TPCN1: variants seen among roughly 807,000 people sequenced by gnomAD.
The protein encoded by TPCN1 is two pore segment channel 1, also known as two pore channel protein 1.
TPCN1 carries 52 observed loss-of-function variants against 108.8 expected under a neutral mutation model. The ratio of observed to expected loss-of-function variants is 0.48; its 90% CI spans 0.38 to 0.60. The LOEUF (loss-of-function observed/expected upper bound fraction) is 0.60. Among genes scored for constraint, TPCN1 ranks in the 20% least tolerant of loss-of-function variants. TPCN1 has a pLI of 0.00. For synonymous variants in TPCN1, 446 were observed against 433.7 expected, an observed-to-expected ratio of 1.03 and a Z score of -0.35; for missense variants, 806 against 1,072.8, an observed-to-expected ratio of 0.75 and a Z score of 3.47.
chr12:113,224,654 C>G (rs1286650396), intron 1 of TPCN1, among the ~76,000 whole-genome samples: 1 of 152,138 alleles, frequency 6.6e-6, no homozygotes, highest in Non-Finnish European at 1.5e-5. Context: ...CCTCGGCCTC[C>G]CAAAGTGCTG....
At position 113,245,639 on chromosome 12, in the gene TPCN1, GC is replaced by G. The variant is rs1415382113; in HGVS notation, c.113-14725del. Among the ~76,000 whole-genome samples the G allele has an allele frequency of 2.6e-5, 4 of 151,396 alleles. 1 individual carries two copies. Among genetic ancestry groups the G allele is most frequent in the Non-Finnish European group, 5.9e-5 (4 of 67,856 alleles). ...AAAAAAAAGAAAAGAAAAGGGGTAG[GC>G]CCCTCAGTATCACCCTTCCTGAGAA... is the stretch of plus-strand genomic sequence containing the variant. On this transcript the variant is annotated intron_variant, in intron 2 of 27. Coordinates refer to ENST00000335509, the MANE Select transcript of TPCN1 (RefSeq NM_017901.6).
At position 113,266,685 on chromosome 12, in the gene TPCN1, C is replaced by G. The variant is rs1030828295; in HGVS notation, c.414+329C>G. 2.0e-5 allele frequency among the ~76,000 whole-genome samples: 3 copies of G among 152,192 alleles called. No individual in the cohort carries two copies. Among genetic ancestry groups the G allele is most frequent in the Non-Finnish European group, 4.4e-5 (3 of 68,036 alleles). Reference sequence around the variant, plus strand: ...GACAGTCCCACTACTCTGTCTCCAGCCTCAAAGGAGAAGGCAGTTCGGTGT... The same window carrying G: ...GACAGTCCCACTACTCTGTCTCCAGGCTCAAAGGAGAAGGCAGTTCGGTGT... On this transcript the variant is annotated intron_variant, in intron 4 of 27. Coordinates refer to ENST00000335509, the MANE Select transcript of TPCN1 (RefSeq NM_017901.6). This position sits in a 1 kb window ranked among gnomAD's most constrained non-coding sequence, Gnocchi z 4.2.
rs1955329043 is a variant in TPCN1 at position 113,267,847 on chromosome 12, A to G, written c.419A>G (p.His140Arg). Residue 140 changes from histidine (H) to arginine (R), a missense_variant, in exon 5 of 28, where the codon CAC becomes CGC. Coordinates refer to ENST00000335509, the MANE Select transcript of TPCN1 (RefSeq NM_017901.6). ...VPALRLGIYV[H>R]ATLELFALMV... ...CTCCACACCCTCTGGTCTCAGGTCC[A>G]CGCCACCCTGGAGCTGTTTGCCCTG... The G allele has an allele frequency of 6.2e-7, 1 of 1,613,166 alleles. No homozygotes were observed. The highest frequency in any genetic ancestry group is 8.5e-7 in the Non-Finnish European group (1 of 1,179,180).
intron 10 of TPCN1, among the ~76,000 whole-genome samples, chr12:113,275,522 G>T (rs1433944298): frequency 6.6e-6 from 1 of 151,860 alleles, no homozygotes; most frequent in Non-Finnish European, 1.5e-5. Flanking sequence ...GGGATTACAG[G>T]TGTGAGCCAC....
chr12:113,263,306 C>G (rs963465180), intron 3 of TPCN1, among the ~76,000 whole-genome samples: 1 of 152,166 alleles, frequency 6.6e-6, no homozygotes. Context: ...CTCCGTTGCC[C>G]GGGCTGGAGT....
At chr12:113,291,060 C>T in intron 23 of TPCN1, 62 bp downstream of exon 23, 3 of 1,451,934 alleles carry the variant, frequency 2.1e-6, no homozygotes, top group Non-Finnish European at 2.9e-6. Flanking sequence ...CCCTGGGTCT[C>T]CCCCAACCCA....
chr12:113,268,665 C>T lies in TPCN1; in HGVS notation c.529-77C>T. ...CGAGGCCAGAGTGGGCACTGCCTCTCCAGCCCCCCGTTCCAGGTATGCAGG... is the reference window on the plus strand; with the variant it reads ...CGAGGCCAGAGTGGGCACTGCCTCTTCAGCCCCCCGTTCCAGGTATGCAGG... On this transcript the variant is annotated intron_variant, in intron 5 of 27. Transcript: ENST00000335509. The surrounding 1 kb of genome is among the most constrained non-coding windows in gnomAD (Gnocchi z 7.3). 1 of 1,572,924 alleles carries T rather than the reference C, an allele frequency of 6.4e-7. No homozygotes were observed. The highest frequency in any genetic ancestry group is 2.3e-5 in the East Asian group (1 of 43,994).
At chr12:113,222,518 C>G (rs1953281057) in intron 1 of TPCN1, among the ~76,000 whole-genome samples, 1 of 152,184 alleles carries the variant, frequency 6.6e-6, no homozygotes, top group African/African-American at 2.4e-5. Flanking sequence ...TTGTGACAGT[C>G]AAGATGTCTC....
intron 7 of TPCN1, among the ~76,000 whole-genome samples, chr12:113,270,209 A>AAAAG (rs1566178045): frequency 3.9e-5 from 6 of 152,140 alleles, no homozygotes; most frequent in African/African-American, 1.4e-4. Context: ...TCTCAAAAAA[A>AAAAG]AAAAGAAAAG....
chr12:113,258,391 C>G (rs4581495), intron 2 of TPCN1, among the ~76,000 whole-genome samples: 16,517 of 151,934 alleles, frequency 0.11, 1,052 homozygotes, highest in East Asian at 0.21. Flanking sequence ...ACTTGAACCT[C>G]GGAAGCAGAG....
rs1023791321 is a variant in TPCN1, at chr12:113,287,089, G to A, written c.1629G>A (p.Leu543=). 6.2e-7 allele frequency: 1 copy of A among 1,612,610 alleles called. No individual in the cohort carries two copies. The highest frequency in any genetic ancestry group is 1.3e-5 in the African/African-American group (1 of 74,910). Reference sequence around the variant, plus strand: ...TCGTGGTCCTGCGCCCCCTCCAGCTGCTGAGGTGATGGGCAGGGCAGAGCC... The same window carrying A: ...TCGTGGTCCTGCGCCCCCTCCAGCTACTGAGGTGATGGGCAGGGCAGAGCC... The part of the protein sequence containing the change: ...YFIVVLRPLQ[L]LRLFKLKERY... The change falls in exon 19 of 28, where the codon CTG becomes CTA. Residue 543 remains leucine, a synonymous_variant. Transcript: ENST00000335509.
chr12:113,270,485 GT>G (rs1277404327), intron 7 of TPCN1, among the ~76,000 whole-genome samples: 53 of 142,480 alleles, frequency 3.7e-4, no homozygotes, highest in South Asian at 6.8e-4. Flanking sequence ...GTTTTGTTTT[GT>G]TTTTTTTTTT....
In TPCN1 at chr12:113,297,027, T is replaced by G. The variant is rs1035626991; in HGVS notation, c.*951T>G. ...GAACAGCACAGAGAGACGCTCCCTGTGGGACGCAGCAGCCCCGTGGCCCCG... is the reference window on the plus strand; with the variant it reads ...GAACAGCACAGAGAGACGCTCCCTGGGGGACGCAGCAGCCCCGTGGCCCCG... On this transcript the variant is annotated 3_prime_UTR_variant, in exon 28 of 28. Transcript: ENST00000335509. The surrounding 1 kb of genome is among the most constrained non-coding windows in gnomAD (Gnocchi z 4.4). 3 of 152,392 alleles carry G rather than the reference T, an allele frequency of 2.0e-5. No individual in the cohort carries two copies. Among genetic ancestry groups the G allele is most frequent in the African/African-American group, 7.2e-5 (3 of 41,466 alleles). The allele number at this position is 152,392 out of a possible 1,614,324, so 9.4% of individuals were successfully genotyped here.
chr12:113,285,787 G>A, intron 17 of TPCN1, 102 bp from the exon 18 acceptor site: 1 of 1,022,034 alleles, frequency 9.8e-7, no homozygotes, highest in Non-Finnish European at 1.5e-6. Context: ...AGGGCTTATG[G>A]CCAGCAGGGA....
intron 19 of TPCN1, chr12:113,287,543 C>G (rs1956122723): frequency 6.0e-6 from 1 of 165,874 alleles, no homozygotes; most frequent in Admixed American, 6.2e-5. Context: ...GAGCCTGCCC[C>G]ACTGACGGTG....
Position 113,288,148 on chromosome 12 carries a change from G to A in TPCN1, c.1635-15G>A, listed in dbSNP as rs1566201063. 4.4e-6 allele frequency: 7 copies of A among 1,608,896 alleles called. No homozygotes were observed. The highest frequency in any genetic ancestry group is 1.1e-5 in the South Asian group (1 of 90,612). Reference sequence around the variant, plus strand: ...GCACCTGTGTGTGGAGGTGACGGGTGTCCTCCTCGCTCAGGTTGTTTAAGT... The same window carrying A: ...GCACCTGTGTGTGGAGGTGACGGGTATCCTCCTCGCTCAGGTTGTTTAAGT... On this transcript the variant is annotated splice_polypyrimidine_tract_variant and intron_variant, in intron 19 of 27. Transcript: ENST00000335509. The surrounding 1 kb of genome is among the most constrained non-coding windows in gnomAD (Gnocchi z 4.8).
In TPCN1 at chr12:113,227,795, G is replaced by A. The variant is rs185094771; in HGVS notation, c.112+831G>A. ...GAGATGTTTGGGGCCAAGGAGAGAC[G>A]AGCCAGGCTCTCCCGTCTCATTTGT... On this transcript the variant is annotated intron_variant, in intron 2 of 27. Transcript: ENST00000335509. Among the ~76,000 whole-genome samples the A allele has an allele frequency of 5.5e-3, 841 of 152,270 alleles. 7 individuals are homozygous for A. Among genetic ancestry groups the A allele is most frequent in the African/African-American group, 0.019 (775 of 41,554 alleles).
intron 2 of TPCN1, among the ~76,000 whole-genome samples, chr12:113,251,403 G>T (rs1391682244): frequency 6.6e-6 from 1 of 152,228 alleles, no homozygotes; most frequent in Admixed American, 6.5e-5. Flanking sequence ...CTCTGTGCCG[G>T]TCCCTCATTT....
chr12:113,275,884 C>A (rs1955658666), intron 10 of TPCN1, among the ~76,000 whole-genome samples: 1 of 152,144 alleles, frequency 6.6e-6, no homozygotes, highest in South Asian at 2.1e-4. Flanking sequence ...AAAATATTTT[C>A]TTGTTTTAAT....
Sources: gnomAD v4.1 joint callset for allele counts (sites outside exome capture counted in the v4.1 genomes callset) on GRCh38, gnomAD v4.1.1 for gene constraint, Gnocchi (gnomAD v3.1) non-coding constraint, MANE v1.5 for transcripts, NCBI Gene and HGNC (gene_info 2026-07-23, HGNC 2026-07-21) for gene names.